ACVR2A: variants seen among roughly 807,000 people sequenced by gnomAD.
ACVR2A encodes activin receptor type-2A.
A neutral mutation model predicts 61.4 loss-of-function variants in ACVR2A; 7 were observed. The ratio of observed to expected loss-of-function variants is 0.11; its 90% CI spans 0.06 to 0.21. The LOEUF (loss-of-function observed/expected upper bound fraction) is 0.21, where lower values mean the gene tolerates loss of function less well. Among genes scored for constraint, ACVR2A ranks in the 10% least tolerant of loss-of-function variants. The pLI is 1.00. For synonymous variants in ACVR2A, 193 were observed against 208.3 expected, an observed-to-expected ratio of 0.93 and a Z score of 0.63; for missense variants, 322 against 621.7, an observed-to-expected ratio of 0.52 and a Z score of 5.13.
intron 10 of ACVR2A, among the ~76,000 whole-genome samples, chr2:147,926,777 C>T (rs1687510026): frequency 6.6e-6 from 1 of 151,704 alleles, no homozygotes; most frequent in Non-Finnish European, 1.5e-5. Flanking sequence ...GGTAGGTCCC[C>T]TTTATCCTTG....
At chr2:147,851,955 A>AT (rs1178767073) in intron 1 of ACVR2A, among the ~76,000 whole-genome samples, 3 of 151,882 alleles carry the variant, frequency 2.0e-5, no homozygotes, top group East Asian at 1.9e-4. Context: ...ATGATCCCTG[A>AT]TTTTTTTTCC....
chr2:147,887,375 T>C (rs1462842319), intron 1 of ACVR2A, among the ~76,000 whole-genome samples: 1 of 152,202 alleles, frequency 6.6e-6, no homozygotes, highest in Non-Finnish European at 1.5e-5. Flanking sequence ...CAAATATTAA[T>C]TGAATGCCTT....
chr2:147,928,386 C>T lies in ACVR2A; in HGVS notation c.*1112C>T, dbSNP rs185409061. The T allele has an allele frequency of 2.0e-5, 3 of 151,960 alleles. No homozygotes were observed. Among genetic ancestry groups the T allele is most frequent in the South Asian group, 4.2e-4 (2 of 4,802 alleles). 9.4% of individuals were successfully genotyped at this position (151,960 alleles called of 1,614,324 possible). ...GGATCACCTCAGGAAGTGTCGTTACCCAGAATTCCCCACTGTCTGCTATGA... is the reference window on the plus strand; with the variant it reads ...GGATCACCTCAGGAAGTGTCGTTACTCAGAATTCCCCACTGTCTGCTATGA... On this transcript the variant is annotated 3_prime_UTR_variant, in exon 11 of 11. Transcript: ENST00000241416.
At chr2:147,855,907 A>T (rs1482029986) in intron 1 of ACVR2A, among the ~76,000 whole-genome samples, 1 of 151,890 alleles carries the variant, frequency 6.6e-6, no homozygotes, top group African/African-American at 2.4e-5. Flanking sequence ...TCAGGTGTCT[A>T]TTTTTTTCAT....
At chr2:147,913,235 G>A (rs1173928261) in intron 4 of ACVR2A, among the ~76,000 whole-genome samples, 1 of 151,780 alleles carries the variant, frequency 6.6e-6, no homozygotes, top group Non-Finnish European at 1.5e-5. Context: ...TGTTGTTGAT[G>A]TCCTTTAGAA....
chr2:147,876,675 CTT>C (rs1686165047), intron 1 of ACVR2A, among the ~76,000 whole-genome samples: 1 of 152,068 alleles, frequency 6.6e-6, no homozygotes. Context: ...GTTTCCTCTT[CTT>C]AATTTGTTTT....
intron 4 of ACVR2A, among the ~76,000 whole-genome samples, chr2:147,902,496 C>T (rs1399746432): frequency 6.6e-6 from 1 of 151,916 alleles, no homozygotes; most frequent in African/African-American, 2.4e-5. Context: ...TGTATGACTA[C>T]TAAAATGAGG....
chr2:147,861,772 G>GA (rs1685732517), intron 1 of ACVR2A, among the ~76,000 whole-genome samples: 1 of 152,186 alleles, frequency 6.6e-6, no homozygotes, highest in Admixed American at 6.5e-5. Flanking sequence ...GAGAGCACCT[G>GA]AAAACCTTCT....
chr2:147,862,816 A>G (rs1685760964), intron 1 of ACVR2A, among the ~76,000 whole-genome samples: 1 of 152,168 alleles, frequency 6.6e-6, no homozygotes, highest in Non-Finnish European at 1.5e-5. Flanking sequence ...AGAATTTTAC[A>G]TTATTTTCAC....
chr2:147,901,264 T>C (rs1686866366), intron 4 of ACVR2A, among the ~76,000 whole-genome samples: 2 of 152,008 alleles, frequency 1.3e-5, no homozygotes, highest in Admixed American at 6.6e-5. Context: ...TTCAGTATTA[T>C]AATAGTTTCC....
intron 5 of ACVR2A, 54 bp from the exon 6 acceptor site, chr2:147,917,229 G>A: frequency 2.6e-6 from 4 of 1,552,586 alleles, no homozygotes; most frequent in Non-Finnish European, 2.6e-6. Context: ...CTTATGCATG[G>A]TTTATTAAAC....
At position 147,930,054 on chromosome 2, in the gene ACVR2A, C is replaced by A. The variant is rs1053596827; in HGVS notation, c.*2780C>A. ...TTTTTTTAGCATGTGATGTGTGATT[C>A]TTGTTTGAATTCTAGGTACCTTGTG... On this transcript the variant is annotated 3_prime_UTR_variant, in exon 11 of 11. Transcript: ENST00000241416. 6.6e-6 allele frequency: 1 copy of A among 152,350 alleles called. No homozygotes were observed. The highest frequency in any genetic ancestry group is 1.5e-5 in the Non-Finnish European group (1 of 67,952). The allele number at this position is 152,350 out of a possible 1,614,324, so 9.4% of individuals were successfully genotyped here.
chr2:147,861,126 T>C (rs1026201101), intron 1 of ACVR2A, among the ~76,000 whole-genome samples: 1 of 152,210 alleles, frequency 6.6e-6, no homozygotes, highest in Non-Finnish European at 1.5e-5. Context: ...CATGTAGCAT[T>C]CTAAATAACT....
Position 147,845,200 on chromosome 2 carries a change from T to C in ACVR2A, c.48T>C (p.Cys16=), listed in dbSNP as rs1181541497. The change falls in exon 1 of 11, where the codon TGT becomes TGC. Residue 16 remains cysteine (C), a synonymous_variant. Transcript: ENST00000241416. ...KLAFAVFLIS[C]SSGAILGRSE... ...CGTTTGCCGTCTTTCTTATCTCCTG[T>C]TCTTCAGGTAGGTGCAGGGAGCGCG... The C allele has an allele frequency of 6.2e-7, 1 of 1,612,836 alleles. No homozygotes were observed. Among genetic ancestry groups the C allele is most frequent in the East Asian group, 2.2e-5 (1 of 44,788 alleles).
At chr2:147,908,046 A>AAAAAAAAAG (rs1281068511) in intron 4 of ACVR2A, among the ~76,000 whole-genome samples, 1 of 143,652 alleles carries the variant, frequency 7.0e-6, no homozygotes. Flanking sequence ...TTCAAAAAAA[A>AAAAAAAAAG]AAAAAAAAGA....
At chr2:147,922,898 A>G (rs1394331850) in intron 8 of ACVR2A, 75 bp from the exon 9 acceptor site, 13 of 1,515,908 alleles carry the variant, frequency 8.6e-6, no homozygotes, top group Admixed American at 3.8e-5. Flanking sequence ...TTTGGTTTTG[A>G]TTCATCTTAC....
intron 1 of ACVR2A, among the ~76,000 whole-genome samples, chr2:147,883,583 C>G (rs1319045691): frequency 1.3e-5 from 2 of 151,968 alleles, no homozygotes; most frequent in Admixed American, 1.3e-4. Flanking sequence ...AATCTTGCTT[C>G]TTAAAAGTTG....
intron 1 of ACVR2A, among the ~76,000 whole-genome samples, chr2:147,862,338 A>AATT: frequency 6.6e-6 from 1 of 151,940 alleles, no homozygotes; most frequent in Non-Finnish European, 1.5e-5. Flanking sequence ...TTGTAACTAT[A>AATT]AATCCACATG....
At chr2:147,882,942 T>C (rs1686343277) in intron 1 of ACVR2A, among the ~76,000 whole-genome samples, 1 of 152,146 alleles carries the variant, frequency 6.6e-6, no homozygotes, top group Non-Finnish European at 1.5e-5. Context: ...AAATGTTGTA[T>C]GGCCAATGCA....
Sources: allele counts gnomAD v4.1 joint callset (sites outside exome capture counted in the v4.1 genomes callset), GRCh38; gene constraint gnomAD v4.1.1; transcripts MANE v1.5; gene names NCBI Gene and HGNC (gene_info 2026-07-23, HGNC 2026-07-21).